The following PDGFD variants were observed in gnomAD, a reference collection of about 807,000 sequenced individuals.
PDGFD encodes platelet-derived growth factor D.
A neutral mutation model predicts 44.7 loss-of-function variants in PDGFD; 30 were observed. The ratio of observed to expected loss-of-function variants is 0.67; its 90% CI spans 0.50 to 0.91. PDGFD has a LOEUF of 0.91. PDGFD is among the 40% of genes least tolerant of loss of function. The probability of loss-of-function intolerance (pLI) is 0.00; values close to 1 mark genes in which losing one functional copy is unlikely to be tolerated. For synonymous variants in PDGFD, 173 were observed against 168.4 expected, an observed-to-expected ratio of 1.03 and a Z score of -0.21; for missense variants, 445 against 457.8, an observed-to-expected ratio of 0.97 and a Z score of 0.25.
chr11:104,071,849 T>C (rs1388392833), intron 1 of PDGFD, among the ~76,000 whole-genome samples: 1 of 151,810 alleles, frequency 6.6e-6, no homozygotes, highest in Non-Finnish European at 1.5e-5. Flanking sequence ...AAAAGATTCA[T>C]CTTCACTCTA....
intron 1 of PDGFD, among the ~76,000 whole-genome samples, chr11:104,027,773 GT>G (rs1477406745): frequency 1.3e-5 from 2 of 152,156 alleles, no homozygotes; most frequent in African/African-American, 2.4e-5. Flanking sequence ...AATTTTGATA[GT>G]TTTTTGCAGA....
chr11:104,152,725 C>T (rs1214236994), intron 1 of PDGFD, among the ~76,000 whole-genome samples: 1 of 151,938 alleles, frequency 6.6e-6, no homozygotes, highest in Non-Finnish European at 1.5e-5. Context: ...ACTGATAATT[C>T]TCCAAAATTA....
chr11:103,984,833 T>C (rs260838), intron 3 of PDGFD, among the ~76,000 whole-genome samples: 1 of 143,328 alleles, frequency 7.0e-6, no homozygotes, highest in Non-Finnish European at 1.5e-5. Context: ...ATATATAATA[T>C]ATTAATTTAT....
chr11:104,133,012 G>A (rs1171930731), intron 1 of PDGFD, among the ~76,000 whole-genome samples: 4 of 152,092 alleles, frequency 2.6e-5, no homozygotes, highest in Admixed American at 2.6e-4. Context: ...CATTTGAACT[G>A]TAAGGTTGTC....
At chr11:103,947,890 C>A (rs1401582794) in intron 3 of PDGFD, among the ~76,000 whole-genome samples, 166 bp from the exon 4 acceptor site, 1 of 152,204 alleles carries the variant, frequency 6.6e-6, no homozygotes, top group Non-Finnish European at 1.5e-5. Context: ...CACATCTCCT[C>A]AAGAACCCTT....
At chr11:104,155,567 T>C (rs1862295586) in intron 1 of PDGFD, among the ~76,000 whole-genome samples, 1 of 152,196 alleles carries the variant, frequency 6.6e-6, no homozygotes, top group Non-Finnish European at 1.5e-5. Context: ...GCTGTGGATA[T>C]GAGAACCACA....
At chr11:103,946,045 T>A (rs1858663784) in intron 4 of PDGFD, 1 of 152,198 alleles carries the variant, frequency 6.6e-6, no homozygotes, top group Admixed American at 6.5e-5. Context: ...ATTTAATGTG[T>A]CTCCTTCAGC....
Position 104,163,792 on chromosome 11 carries a change from T to C in PDGFD, c.124+12A>G. 3 of 1,510,650 alleles carry C rather than the reference T, an allele frequency of 2.0e-6. No individual in the cohort carries two copies. The highest frequency in any genetic ancestry group is 2.7e-6 in the Non-Finnish European group (3 of 1,119,412). The allele number at this position is 1,510,650 out of a possible 1,614,324, so 93.6% of individuals were successfully genotyped here. On this transcript the variant is annotated intron_variant, in intron 1 of 6. Transcript: ENST00000393158. ...TTTTTTTTTCAGTTAAAAAATAAAATGAGTCTCTTACCATCTCGCCTGAGG... is the reference window on the plus strand; with the variant it reads ...TTTTTTTTTCAGTTAAAAAATAAAACGAGTCTCTTACCATCTCGCCTGAGG...
intron 1 of PDGFD, among the ~76,000 whole-genome samples, chr11:104,110,981 T>C (rs1231787811): frequency 1.3e-5 from 2 of 152,142 alleles, no homozygotes; most frequent in Non-Finnish European, 2.9e-5. Flanking sequence ...ACAGTTTCAA[T>C]TCTAGAAATA....
At chr11:104,013,316 G>A (rs1303986294) in intron 1 of PDGFD, among the ~76,000 whole-genome samples, 2 of 152,076 alleles carry the variant, frequency 1.3e-5, no homozygotes, top group Admixed American at 6.6e-5. Context: ...AAGAACCCAG[G>A]TACCAAGAGG....
At chr11:103,936,572 C>T (rs1020638237) in intron 5 of PDGFD, among the ~76,000 whole-genome samples, 1 of 152,040 alleles carries the variant, frequency 6.6e-6, no homozygotes, top group African/African-American at 2.4e-5. Flanking sequence ...GTTTCTTATG[C>T]TAGTTATTTA....
intron 1 of PDGFD, among the ~76,000 whole-genome samples, chr11:104,113,657 G>C (rs1861593018): frequency 6.6e-6 from 1 of 151,534 alleles, no homozygotes; most frequent in African/African-American, 2.4e-5. Context: ...AGGACTGCTA[G>C]ATCATATGAT....
rs940251794 is a variant in PDGFD, at chr11:103,985,112, A to C, written c.510+10953T>G. ...AATATATTATATATTAATTTATTTA[A>C]TATATAATATATTAATTTATTTAAT... On this transcript the variant is annotated intron_variant, in intron 3 of 6. Coordinates refer to ENST00000393158, the MANE Select transcript of PDGFD (RefSeq NM_025208.5). 3.0e-4 allele frequency among the ~76,000 whole-genome samples: 40 copies of C among 133,566 alleles called. 3 individuals are homozygous for C. The highest frequency in any genetic ancestry group is 4.7e-4 in the Non-Finnish European group (29 of 62,364). The allele number at this position is 133,566 out of a possible 152,430, so 87.6% of individuals were successfully genotyped here.
chr11:104,159,174 A>AC (rs1862353945), intron 1 of PDGFD, among the ~76,000 whole-genome samples: 1 of 151,102 alleles, frequency 6.6e-6, no homozygotes, highest in African/African-American at 2.4e-5. Context: ...AAAAAAAAAA[A>AC]CTATTTGTCT....
intron 1 of PDGFD, among the ~76,000 whole-genome samples, chr11:104,014,707 G>A (rs61063094): frequency 6.6e-6 from 1 of 152,102 alleles, no homozygotes; most frequent in East Asian, 1.9e-4. Context: ...AGGCATCTTC[G>A]AGGTCTACTG....
chr11:104,096,636 T>C (rs1015354545), intron 1 of PDGFD, among the ~76,000 whole-genome samples: 13 of 152,170 alleles, frequency 8.5e-5, no homozygotes, highest in Admixed American at 5.2e-4. Context: ...AGTATCTCTG[T>C]TACAGGTGTC....
chr11:104,161,952 T>TA, intron 1 of PDGFD, among the ~76,000 whole-genome samples: 1 of 109,606 alleles, frequency 9.1e-6, no homozygotes, highest in East Asian at 2.4e-4. Context: ...TCAAAGAGAG[T>TA]GTGTGTGTGT....
chr11:104,157,752 T>C (rs1170523773), intron 1 of PDGFD, among the ~76,000 whole-genome samples: 1 of 152,250 alleles, frequency 6.6e-6, no homozygotes, highest in African/African-American at 2.4e-5. Context: ...AATCACAATG[T>C]ATTGTCTTCT....
At chr11:104,095,685 A>T (rs1272341602) in intron 1 of PDGFD, among the ~76,000 whole-genome samples, 1 of 152,164 alleles carries the variant, frequency 6.6e-6, no homozygotes, top group Admixed American at 6.6e-5. Context: ...TTTTCCTTTA[A>T]GATTTAGTCT....
Sources: gnomAD v4.1 joint callset for allele counts (sites outside exome capture counted in the v4.1 genomes callset) on GRCh38, gnomAD v4.1.1 for gene constraint, MANE v1.5 for transcripts, NCBI Gene and HGNC (gene_info 2026-07-23, HGNC 2026-07-21) for gene names.